KAZN: variants seen among roughly 807,000 people sequenced by gnomAD.
The protein encoded by KAZN is kazrin.
Under a neutral mutation model 87.4 loss-of-function variants are expected in KAZN, and 40 were observed. That is an observed-to-expected ratio of 0.46 (90% confidence interval 0.36 to 0.60). KAZN has a LOEUF of 0.60. Among genes scored for constraint, KAZN ranks in the 20% least tolerant of loss-of-function variants. The pLI, the probability that KAZN is intolerant of heterozygous loss-of-function variation, is 0.00. For synonymous variants in KAZN, 466 were observed against 458.3 expected (o/e 1.02, Z -0.22); for missense variants, 898 against 1,073.9 (o/e 0.84, Z 2.29).
intron 2 of KAZN, among the ~76,000 whole-genome samples, chr1:14,585,659 A>G (rs1353584427): frequency 6.6e-6 from 1 of 152,196 alleles, no homozygotes; most frequent in African/African-American, 2.4e-5. Flanking sequence ...ACCTACTTCA[A>G]GTAACGAGGC....
chr1:15,045,691 C>T (rs542983492), intron 4 of KAZN, among the ~76,000 whole-genome samples: 102 of 152,278 alleles, frequency 6.7e-4, no homozygotes, highest in Non-Finnish European at 1.2e-3. Flanking sequence ...TTCCGAATGG[C>T]TGGGGATGCC....
intron 1 of KAZN, among the ~76,000 whole-genome samples, chr1:14,004,838 T>C (rs1411970956): frequency 3.3e-5 from 5 of 152,114 alleles, no homozygotes; most frequent in Non-Finnish European, 2.9e-5. Flanking sequence ...AATGGATTAA[T>C]GGGTTAATGA....
intron 2 of KAZN, among the ~76,000 whole-genome samples, chr1:14,360,982 C>T (rs1160087569): frequency 1.3e-5 from 2 of 152,212 alleles, no homozygotes; most frequent in Non-Finnish European, 2.9e-5. Flanking sequence ...AGGAGATCGG[C>T]TGCTCTCTTC....
chr1:14,905,213 A>C (rs1372302546), intron 1 of KAZN, among the ~76,000 whole-genome samples: 1 of 152,050 alleles, frequency 6.6e-6, no homozygotes, highest in Non-Finnish European at 1.5e-5. Context: ...CACACACCAC[A>C]TGCTTGGCTA....
chr1:14,598,937 G>GC lies in KAZN; in HGVS notation c.-55dup. 9.0e-6 allele frequency: 14 copies of GC among 1,554,582 alleles called. No homozygotes were observed. The highest frequency in any genetic ancestry group is 4.0e-5 in the Admixed American group (2 of 50,358). The stretch of plus-strand genomic sequence containing the variant: ...TAGAGCCGGGGGTGCCCGGCCGCGC[G>GC]CCCCCCGCGCATCATGCAGCTCTTT... On this transcript the variant is annotated 5_prime_UTR_variant, in exon 1 of 15. Transcript: ENST00000376030. This position sits in a 1 kb window ranked among gnomAD's most constrained non-coding sequence, Gnocchi z 4.2.
Position 14,367,515 on chromosome 1 carries a change from G to C in KAZN, c.249+186923G>C, listed in dbSNP as rs1453244486. Reference sequence around the variant, plus strand: ...TTTGGAAAAGGCAACATTTGAGCAGGAAAATAGGGGTGTAAGTTCTCACTT... The same window carrying C: ...TTTGGAAAAGGCAACATTTGAGCAGCAAAATAGGGGTGTAAGTTCTCACTT... On this transcript the variant is annotated intron_variant, in intron 2 of 16. Transcript: ENST00000636203. Among the ~76,000 whole-genome samples, 3 of 152,162 alleles carry C rather than the reference G, an allele frequency of 2.0e-5. No homozygotes were observed. The East Asian group carries it at 5.8e-4, about 29-fold the overall frequency.
intron 2 of KAZN, among the ~76,000 whole-genome samples, chr1:14,267,394 T>C (rs925615756): frequency 4.1e-4 from 62 of 149,846 alleles, no homozygotes; most frequent in Non-Finnish European, 1.8e-4. Flanking sequence ...AAAATATCTA[T>C]GTTTTAAGAA....
At chr1:14,992,857 T>G (rs1667484171) in intron 2 of KAZN, among the ~76,000 whole-genome samples, 2 of 152,022 alleles carry the variant, frequency 1.3e-5, no homozygotes, top group Admixed American at 1.3e-4. Flanking sequence ...TTGGCCAGAC[T>G]GGTCTCGAAC....
intron 2 of KAZN, among the ~76,000 whole-genome samples, chr1:14,545,200 C>T (rs1053983233): frequency 1.3e-5 from 2 of 152,214 alleles, no homozygotes; most frequent in African/African-American, 4.8e-5. Flanking sequence ...CCCAACCATT[C>T]TTTTGTCTGG....
chr1:14,164,697 C>T (rs767388859), intron 1 of KAZN, among the ~76,000 whole-genome samples: 27 of 152,128 alleles, frequency 1.8e-4, no homozygotes, highest in Middle Eastern at 3.4e-3. Context: ...TGCACCACCA[C>T]GCCTGGCTCA....
At chr1:14,395,043 T>A (rs1286876947) in intron 2 of KAZN, among the ~76,000 whole-genome samples, 7 of 151,966 alleles carry the variant, frequency 4.6e-5, no homozygotes, top group Non-Finnish European at 1.0e-4. Flanking sequence ...GCACAGGCCC[T>A]GGTACAGAAT....
chr1:14,056,818 C>T (rs1056031289), intron 1 of KAZN, among the ~76,000 whole-genome samples: 103 of 152,176 alleles, frequency 6.8e-4, no homozygotes, highest in African/African-American at 2.4e-3. Context: ...ACTATGGCCT[C>T]GCTCCTGTAC....
chr1:14,661,475 A>G (rs1382997456), intron 1 of KAZN, among the ~76,000 whole-genome samples: 1 of 152,138 alleles, frequency 6.6e-6, no homozygotes, highest in Admixed American at 6.5e-5. Flanking sequence ...TGCACTATTC[A>G]ACTCTGCTGT....
At chr1:14,372,172 T>C (rs1006099277) in intron 2 of KAZN, among the ~76,000 whole-genome samples, 6 of 152,238 alleles carry the variant, frequency 3.9e-5, no homozygotes, top group African/African-American at 1.4e-4. Context: ...GATTGTTAAC[T>C]GTTTACTGTG....
rs868328001 is a variant in KAZN at position 14,982,775 on chromosome 1, G to A, written c.418+21900G>A. ...CAGGCCCCTGTGTCAGCCAGGAGCCGGTGACCGGTGTTGTCAGGGAAGACC... is the reference window on the plus strand; with the variant it reads ...CAGGCCCCTGTGTCAGCCAGGAGCCAGTGACCGGTGTTGTCAGGGAAGACC... On this transcript the variant is annotated intron_variant, in intron 2 of 14. Coordinates refer to ENST00000376030, the MANE Select transcript of KAZN (RefSeq NM_201628.3). Among the ~76,000 whole-genome samples the A allele has an allele frequency of 9.2e-5, 14 of 152,316 alleles. No individual in the cohort carries two copies. In the South Asian group the frequency reaches 1.2e-3, roughly 14 times the overall value.
chr1:14,177,511 T>C (rs1159991753), intron 1 of KAZN, among the ~76,000 whole-genome samples: 2 of 152,246 alleles, frequency 1.3e-5, no homozygotes, highest in Non-Finnish European at 1.5e-5. Context: ...TTTTGAAAGA[T>C]ATTGATGGTT....
chr1:15,112,930 A>C, intron 14 of KAZN: 1 of 173,862 alleles, frequency 5.8e-6, no homozygotes, highest in Non-Finnish European at 1.3e-5. Flanking sequence ...GCAGCCCCAA[A>C]CTCTGAGCCC....
intron 1 of KAZN, among the ~76,000 whole-genome samples, chr1:14,133,534 A>G (rs896858935): frequency 2.0e-5 from 3 of 152,140 alleles, no homozygotes. Context: ...ACAAATGCTG[A>G]CTTGGCTTGC....
At chr1:14,575,535 G>A (rs533821207) in intron 2 of KAZN, among the ~76,000 whole-genome samples, 2 of 152,116 alleles carry the variant, frequency 1.3e-5, no homozygotes, top group Non-Finnish European at 2.9e-5. Context: ...GGAATTAAGG[G>A]AGCTACCATT....
Sources: allele counts gnomAD v4.1 joint callset (sites outside exome capture counted in the v4.1 genomes callset), GRCh38; gene constraint gnomAD v4.1.1; non-coding constraint Gnocchi (gnomAD v3.1); transcripts MANE v1.5; gene names NCBI Gene and HGNC (gene_info 2026-07-23, HGNC 2026-07-21).